FOXP4: variants seen among roughly 807,000 people sequenced by gnomAD.
The protein encoded by FOXP4 is forkhead box protein P4.
Under a neutral mutation model 82.6 loss-of-function variants are expected in FOXP4, and 25 were observed. The observed-to-expected ratio is 0.30, with a 90% CI of 0.22 to 0.42. The LOEUF (loss-of-function observed/expected upper bound fraction) is 0.42, where lower values mean the gene tolerates loss of function less well. Among genes scored for constraint, FOXP4 ranks in the 10% least tolerant of loss-of-function variants. FOXP4 has a pLI of 1.00. For missense variants in FOXP4, 785 were observed against 900.9 expected (o/e 0.87, Z 1.65); for synonymous variants, 415 against 388.2 (o/e 1.07, Z -0.81).
Position 41,599,163 on chromosome 6 carries a change from C to A in FOXP4, c.*227C>A. The A allele has an allele frequency of 1.9e-6, 1 of 540,234 alleles. No homozygotes were observed. Among genetic ancestry groups the A allele is most frequent in the Non-Finnish European group, 3.2e-6 (1 of 314,038 alleles). 33.5% of individuals were successfully genotyped at this position (540,234 alleles called of 1,614,324 possible). On this transcript the variant is annotated 3_prime_UTR_variant, in exon 17 of 17. Coordinates refer to ENST00000307972, the MANE Select transcript of FOXP4 (RefSeq NM_001012426.2). Reference sequence around the variant, plus strand: ...CCTGGTCTTGGACCAGTAGAGGACACGGAGGGTTCAGACCCCTCCTCAGAC... The same window carrying A: ...CCTGGTCTTGGACCAGTAGAGGACAAGGAGGGTTCAGACCCCTCCTCAGAC...
At position 41,551,025 on chromosome 6, in the gene FOXP4, C is replaced by G. The variant is rs559032979; in HGVS notation, c.-17+4158C>G. Among the ~76,000 whole-genome samples the G allele has an allele frequency of 2.0e-5, 3 of 152,328 alleles. No homozygotes were observed. In the East Asian group the frequency reaches 5.8e-4, roughly 29 times the overall value. ...GCCTGAAGTTATTGGCTCCCTTCAG[C>G]GTTGCCTCCCAGGATTCTCTGTGGA... is the stretch of plus-strand genomic sequence containing the variant. On this transcript the variant is annotated intron_variant, in intron 1 of 16. Coordinates refer to ENST00000307972, the MANE Select transcript of FOXP4 (RefSeq NM_001012426.2).
rs1763651991 is a variant in FOXP4, at chr6:41,546,856, C to T, written c.-28C>T. On this transcript the variant is annotated 5_prime_UTR_variant, in exon 1 of 17. Transcript: ENST00000307972. Reference sequence around the variant, plus strand: ...CGGGCCGGAGCCCGCACGGAGCGGCCGGGCGGGACAGGTAGGTGGCGGGTC... The same window carrying T: ...CGGGCCGGAGCCCGCACGGAGCGGCTGGGCGGGACAGGTAGGTGGCGGGTC... The T allele has an allele frequency of 6.8e-6, 1 of 146,028 alleles. No individual in the cohort carries two copies. The allele number at this position is 146,028 out of a possible 1,614,324, so 9.0% of individuals were successfully genotyped here. A position where few individuals can be genotyped will look rare whatever the true frequency, so the allele number is the denominator to read the frequency against.
intron 7 of FOXP4, 41 bp downstream of exon 7, chr6:41,587,553 T>TG (rs1766222507): frequency 2.0e-6 from 3 of 1,475,554 alleles, no homozygotes; most frequent in Admixed American, 2.3e-5. Flanking sequence ...AAGGCCTGCC[T>TG]GGGGGTAGAC....
intron 1 of FOXP4, among the ~76,000 whole-genome samples, chr6:41,563,520 C>G (rs1005456937): frequency 4.6e-5 from 7 of 152,082 alleles, no homozygotes; most frequent in Admixed American, 3.3e-4. Flanking sequence ...CAAAAGAGAT[C>G]GAATTGGGAG....
At chr6:41,552,136 A>C (rs1764033220) in intron 1 of FOXP4, among the ~76,000 whole-genome samples, 1 of 152,112 alleles carries the variant, frequency 6.6e-6, no homozygotes, top group South Asian at 2.1e-4. Flanking sequence ...CTTGGATTCC[A>C]TTCCCGGCTG....
intron 1 of FOXP4, among the ~76,000 whole-genome samples, chr6:41,551,249 G>A (rs1291118697): frequency 1.3e-5 from 2 of 152,264 alleles, no homozygotes; most frequent in African/African-American, 4.8e-5. Context: ...CATCTGGACA[G>A]GGCCGCAGGT....
In FOXP4 at chr6:41,591,208, T is replaced by C. The variant is rs1207601259; in HGVS notation, c.1435-13T>C. The C allele has an allele frequency of 6.2e-6, 10 of 1,600,018 alleles. No individual in the cohort carries two copies. The highest frequency in any genetic ancestry group is 8.5e-6 in the Non-Finnish European group (10 of 1,172,544). ...CCAGGCTGACGGTCCCTTTGCTTGTTCCTTCCCCGCAGGCCATCCTGGAAA... is the reference window on the plus strand; with the variant it reads ...CCAGGCTGACGGTCCCTTTGCTTGTCCCTTCCCCGCAGGCCATCCTGGAAA... On this transcript the variant is annotated splice_polypyrimidine_tract_variant and intron_variant, in intron 12 of 16. Coordinates refer to ENST00000307972, the MANE Select transcript of FOXP4 (RefSeq NM_001012426.2). This position sits in a 1 kb window ranked among gnomAD's most constrained non-coding sequence, Gnocchi z 4.2.
intron 14 of FOXP4, among the ~76,000 whole-genome samples, chr6:41,596,941 C>T (rs571018120): frequency 2.4e-4 from 36 of 152,274 alleles, no homozygotes; most frequent in Non-Finnish European, 3.2e-4. Context: ...GTCCCTGAAC[C>T]AAGCCCATCG....
chr6:41,566,029 C>T, intron 2 of FOXP4, 65 bp downstream of exon 2: 1 of 1,497,040 alleles, frequency 6.7e-7, no homozygotes, highest in Admixed American at 1.9e-5. Flanking sequence ...CATTCCACTT[C>T]ATCCTGGCTG....
intron 1 of FOXP4, among the ~76,000 whole-genome samples, chr6:41,560,940 G>A (rs1329980398): frequency 6.6e-6 from 1 of 152,318 alleles, no homozygotes; most frequent in East Asian, 1.9e-4. Context: ...CCAGCCCGTG[G>A]GTCCCCCCTT....
chr6:41,586,688 G>A (rs1156403099), intron 5 of FOXP4, among the ~76,000 whole-genome samples: 1 of 152,244 alleles, frequency 6.6e-6, no homozygotes, highest in Non-Finnish European at 1.5e-5. Context: ...GCACCCCCAG[G>A]CGTGCACAGC....
chr6:41,582,176 A>G (rs1390348414), intron 3 of FOXP4, among the ~76,000 whole-genome samples: 1 of 152,234 alleles, frequency 6.6e-6, no homozygotes, highest in Non-Finnish European at 1.5e-5. Context: ...CGTACAAGTC[A>G]CTTTCACCCC....
chr6:41,546,486 C>T lies in FOXP4; in HGVS notation c.-398C>T, dbSNP rs1763619969. 6.7e-6 allele frequency: 1 copy of T among 149,402 alleles called. No homozygotes were observed. The highest frequency in any genetic ancestry group is 2.0e-4 in the East Asian group (1 of 5,110). The allele number at this position is 149,402 out of a possible 1,614,324, so 9.3% of individuals were successfully genotyped here. On this transcript the variant is annotated 5_prime_UTR_variant, in exon 1 of 17. Transcript: ENST00000307972. ...CGGCGGCCGGGACGGAGCCCCCAGC[C>T]CGCGAGGAGGGCGCGGCGCAGGCGG...
At chr6:41,595,130 A>G in intron 14 of FOXP4, 139 bp downstream of exon 14, 1 of 1,284,464 alleles carries the variant, frequency 7.8e-7, no homozygotes. Flanking sequence ...AGAAAGGAGC[A>G]GAGGAGACTA....
intron 1 of FOXP4, among the ~76,000 whole-genome samples, chr6:41,562,554 T>A (rs1764646014): frequency 1.3e-5 from 2 of 152,194 alleles, no homozygotes; most frequent in Non-Finnish European, 2.9e-5. Context: ...CTTCTTTCTC[T>A]TTTTCCAAAC....
At chr6:41,580,933 A>T (rs9394809) in intron 3 of FOXP4, among the ~76,000 whole-genome samples, 16,097 of 152,138 alleles carry the variant, frequency 0.11, 1,005 homozygotes, top group East Asian at 0.18. Flanking sequence ...TTCCAAAACT[A>T]TTGTCAGGTC....
At chr6:41,580,985 A>G (rs1266098371) in intron 3 of FOXP4, among the ~76,000 whole-genome samples, 1 of 152,052 alleles carries the variant, frequency 6.6e-6, no homozygotes, top group East Asian at 1.9e-4. Context: ...CCAGGCCTGG[A>G]CCCCACCAGG....
At position 41,584,859 on chromosome 6, in the gene FOXP4, C is replaced by T. The variant is rs922357095; in HGVS notation, c.391C>T (p.Leu131Phe). 6.2e-7 allele frequency: 1 copy of T among 1,611,464 alleles called. No individual in the cohort carries two copies. Among genetic ancestry groups the T allele is most frequent in the Non-Finnish European group, 8.5e-7 (1 of 1,179,074 alleles). Residue 131 changes from leucine (L) to phenylalanine (F), a missense_variant, in exon 4 of 17, where the codon CTC becomes TTC. By Grantham distance (22) the Leu-to-Phe change is conservative. Around this residue, in one of 3 missense-constraint regions of FOXP4, gnomAD observed 570 missense variants for 634.0 expected, o/e 0.90. Coordinates refer to ENST00000307972, the MANE Select transcript of FOXP4 (RefSeq NM_001012426.2). ...ILSPPQLQAL[L>F]QQQQALMLQQ... is the part of the protein sequence containing the mutation. ...GTCGCCCCCGCAGCTGCAGGCCTTG[C>T]TCCAGCAGCAGCAAGCCCTCATGCT...
intron 1 of FOXP4, among the ~76,000 whole-genome samples, chr6:41,561,557 A>G (rs1377122556): frequency 6.6e-6 from 1 of 152,072 alleles, no homozygotes; most frequent in Non-Finnish European, 1.5e-5. Flanking sequence ...CTCCTTGCTG[A>G]GGACCTTGGT....
Sources: gnomAD v4.1 joint callset for allele counts (sites outside exome capture counted in the v4.1 genomes callset) on GRCh38, gnomAD v4.1.1 for gene constraint, gnomAD v4.1.1 regional missense constraint, Gnocchi (gnomAD v3.1) non-coding constraint, MANE v1.5 for transcripts, NCBI Gene and HGNC (gene_info 2026-07-23, HGNC 2026-07-21) for gene names.